The following EPHA6 variants were observed in gnomAD, a reference collection of about 807,000 sequenced individuals.
EPHA6 encodes the protein ephrin type-A receptor 6.
EPHA6 carries 50 observed loss-of-function variants against 112.0 expected under a neutral mutation model. That is an observed-to-expected ratio of 0.45 (90% CI 0.36 to 0.56). The LOEUF is 0.56. Among genes scored for constraint, EPHA6 ranks in the 20% least tolerant of loss-of-function variants. The probability of loss-of-function intolerance (pLI) is 0.00; values close to 1 mark genes in which losing one functional copy is unlikely to be tolerated. For synonymous variants in EPHA6, 529 were observed against 490.7 expected (o/e 1.08, Z -1.03); for missense variants, 1,280 against 1,417.4 (o/e 0.90, Z 1.56).
At chr3:97,146,811 C>A (rs1471873027) in intron 3 of EPHA6, among the ~76,000 whole-genome samples, 1 of 151,832 alleles carries the variant, frequency 6.6e-6, no homozygotes, top group African/African-American at 2.4e-5. Context: ...CCTTTTACCT[C>A]CAGTTCATTC....
At chr3:97,597,584 T>C (rs936679980) in intron 12 of EPHA6, among the ~76,000 whole-genome samples, 2 of 152,222 alleles carry the variant, frequency 1.3e-5, no homozygotes, top group Non-Finnish European at 2.9e-5. Context: ...CAGATTTCTA[T>C]AAACCACATA....
chr3:96,923,664 G>T (rs555864482), intron 2 of EPHA6, among the ~76,000 whole-genome samples: 1 of 151,924 alleles, frequency 6.6e-6, no homozygotes, highest in African/African-American at 2.4e-5. Flanking sequence ...TTCTTCTTTT[G>T]CAGTTACTTT....
chr3:97,569,489 C>T (rs1231753436), intron 11 of EPHA6, among the ~76,000 whole-genome samples: 1 of 152,044 alleles, frequency 6.6e-6, no homozygotes, highest in Non-Finnish European at 1.5e-5. Context: ...GCTTAAATTA[C>T]TTATTTAGGT....
intron 2 of EPHA6, among the ~76,000 whole-genome samples, chr3:96,947,552 G>A (rs914078514): frequency 3.3e-5 from 5 of 151,892 alleles, no homozygotes; most frequent in Admixed American, 2.0e-4. Flanking sequence ...CTCTGTTTTG[G>A]TACCAGAACC....
chr3:97,154,690 T>G (rs761149678), intron 3 of EPHA6, among the ~76,000 whole-genome samples: 1 of 152,180 alleles, frequency 6.6e-6, no homozygotes, highest in African/African-American at 2.4e-5. Context: ...TAGTACAACA[T>G]TGACTACTAT....
At chr3:97,609,086 T>C (rs2093699780) in intron 12 of EPHA6, among the ~76,000 whole-genome samples, 1 of 151,152 alleles carries the variant, frequency 6.6e-6, no homozygotes, top group African/African-American at 2.4e-5. Flanking sequence ...AAATGTTTGT[T>C]AAAGAAAATA....
In EPHA6 at chr3:97,761,005, C is replaced by G. The variant is rs987259345; in HGVS notation, c.*12304C>G. The G allele has an allele frequency of 4.8e-6, 1 of 207,040 alleles. No homozygotes were observed. Among genetic ancestry groups the G allele is most frequent in the Non-Finnish European group, 9.9e-6 (1 of 101,402 alleles). The allele number at this position is 207,040 out of a possible 1,614,324, so 12.8% of individuals were successfully genotyped here. A position where few individuals can be genotyped will look rare whatever the true frequency, so the allele number is the denominator to read the frequency against. On this transcript the variant is annotated 3_prime_UTR_variant, in exon 18 of 18. Coordinates refer to ENST00000389672, the MANE Select transcript of EPHA6 (RefSeq NM_001080448.3). ...AGTATTCTGTCACCATTTAAAGCTT[C>G]AATATATGCCTTCCACTCAGGTTCC...
intron 3 of EPHA6, among the ~76,000 whole-genome samples, chr3:97,150,414 A>G (rs577892303): frequency 6.6e-6 from 1 of 152,266 alleles, no homozygotes; most frequent in South Asian, 2.1e-4. Context: ...ACAGTACAGT[A>G]AAATAAAATC....
intron 2 of EPHA6, among the ~76,000 whole-genome samples, chr3:96,971,768 A>G (rs953361580): frequency 6.6e-6 from 1 of 152,136 alleles, no homozygotes; most frequent in Non-Finnish European, 1.5e-5. Flanking sequence ...GGTAAGATGA[A>G]GAATGTTTGG....
intron 11 of EPHA6, among the ~76,000 whole-genome samples, chr3:97,539,019 C>CTT (rs1165136042): frequency 2.0e-5 from 3 of 150,270 alleles, no homozygotes; most frequent in African/African-American, 4.9e-5. Context: ...TTCTTTCTTT[C>CTT]TTTCTTTCTT....
intron 3 of EPHA6, among the ~76,000 whole-genome samples, chr3:97,132,282 A>T (rs890541500): frequency 3.9e-5 from 6 of 152,098 alleles, no homozygotes; most frequent in Non-Finnish European, 7.4e-5. Context: ...TCTTGTAGAC[A>T]CATACCGTAC....
chr3:97,501,238 T>C (rs1010187811), intron 10 of EPHA6, among the ~76,000 whole-genome samples: 1 of 152,176 alleles, frequency 6.6e-6, no homozygotes, highest in African/African-American at 2.4e-5. Context: ...ATCTGAATGA[T>C]ACAACTTAAA....
At chr3:96,816,434 A>G (rs985410118) in intron 1 of EPHA6, among the ~76,000 whole-genome samples, 3 of 152,156 alleles carry the variant, frequency 2.0e-5, no homozygotes, top group Admixed American at 6.5e-5. Context: ...GACTGTGGGT[A>G]TAAAATATTG....
At chr3:97,030,405 T>G (rs1029922113) in intron 3 of EPHA6, among the ~76,000 whole-genome samples, 1 of 152,080 alleles carries the variant, frequency 6.6e-6, no homozygotes, top group African/African-American at 2.4e-5. Context: ...GCCTATTTGG[T>G]GTTCCAGGTA....
chr3:97,484,212 A>G (rs1212906088), intron 10 of EPHA6, among the ~76,000 whole-genome samples, 153 bp downstream of exon 10: 1 of 152,166 alleles, frequency 6.6e-6, no homozygotes, highest in African/African-American at 2.4e-5. Flanking sequence ...ATTTTTTTTA[A>G]GTATATTTAG....
rs1454305250 is a variant in EPHA6, at chr3:97,754,343, C to T, written c.*5642C>T. On this transcript the variant is annotated 3_prime_UTR_variant, in exon 18 of 18. Coordinates refer to ENST00000389672, the MANE Select transcript of EPHA6 (RefSeq NM_001080448.3). ...CCTCAGGTGATCTGCCCGCCTCAGC[C>T]TCCCAAAGTGCTGGGATTACAGGCG... is the stretch of plus-strand genomic sequence containing the variant. Among the ~76,000 whole-genome samples, 6 of 152,152 alleles carry T rather than the reference C, an allele frequency of 3.9e-5. No individual in the cohort carries two copies. The highest frequency in any genetic ancestry group is 8.8e-5 in the Non-Finnish European group (6 of 68,026).
intron 1 of EPHA6, among the ~76,000 whole-genome samples, chr3:96,826,442 T>G (rs2033663765): frequency 6.6e-6 from 1 of 152,038 alleles, no homozygotes; most frequent in African/African-American, 2.4e-5. Context: ...CCTGTAAAAC[T>G]AAGGGAAAAC....
At chr3:97,280,818 T>G (rs2080260243) in intron 5 of EPHA6, among the ~76,000 whole-genome samples, 1 of 152,168 alleles carries the variant, frequency 6.6e-6, no homozygotes, top group Admixed American at 6.5e-5. Flanking sequence ...GAGTATTGAG[T>G]TAAATCTCTA....
At chr3:97,729,765 T>C (rs2034952434) in intron 15 of EPHA6, among the ~76,000 whole-genome samples, 2 of 152,016 alleles carry the variant, frequency 1.3e-5, no homozygotes, top group South Asian at 2.1e-4. Flanking sequence ...GAAAATACAT[T>C]ACCAGTGTTT....
Sources: gnomAD v4.1 joint callset for allele counts (sites outside exome capture counted in the v4.1 genomes callset) on GRCh38, gnomAD v4.1.1 for gene constraint, MANE v1.5 for transcripts, NCBI Gene and HGNC (gene_info 2026-07-23, HGNC 2026-07-21) for gene names.